Variants in FXR2 observed in about 807,000 individuals in gnomAD.
The protein encoded by FXR2 is RNA-binding protein FXR2.
In FXR2, 9 loss-of-function variants were observed where a neutral mutation model predicts 87.3. The ratio of observed to expected loss-of-function variants is 0.10; its 90% CI spans 0.06 to 0.18. The LOEUF (loss-of-function observed/expected upper bound fraction) is 0.18. Among genes scored for constraint, FXR2 ranks in the 10% least tolerant of loss-of-function variants. The pLI is 1.00. For missense variants in FXR2, 661 were observed against 893.6 expected (o/e 0.74, Z 3.32); for synonymous variants, 331 against 328.3 (o/e 1.01, Z -0.09).
At chr17:7,609,946 A>T (rs927447606) in intron 1 of FXR2, among the ~76,000 whole-genome samples, 7 of 125,228 alleles carry the variant, frequency 5.6e-5, no homozygotes, top group Admixed American at 2.5e-4. Flanking sequence ...ATATACATGT[A>T]TATGTATACA....
At chr17:7,596,551 G>T (rs1000680357) in intron 7 of FXR2, 2 of 152,720 alleles carry the variant, frequency 1.3e-5, no homozygotes, top group Non-Finnish European at 2.9e-5. Flanking sequence ...GGGACACACC[G>T]AAGTTCTGGA....
intron 1 of FXR2, among the ~76,000 whole-genome samples, chr17:7,609,957 T>TGC (rs2071840479): frequency 1.6e-5 from 1 of 60,760 alleles, no homozygotes; most frequent in African/African-American, 3.8e-5. Context: ...TATGTATACA[T>TGC]ATATATACAT....
chr17:7,608,126 A>AT (rs202107277), intron 1 of FXR2, among the ~76,000 whole-genome samples: 80 of 151,118 alleles, frequency 5.3e-4, no homozygotes, highest in African/African-American at 1.8e-3. Flanking sequence ...TTAAATTAAA[A>AT]TTTTTTTTTA....
intron 1 of FXR2, among the ~76,000 whole-genome samples, chr17:7,606,920 C>T (rs372244406): frequency 6.6e-6 from 1 of 152,274 alleles, no homozygotes; most frequent in South Asian, 2.1e-4. Flanking sequence ...ATTTTTCTAC[C>T]TTCTCCCTAT....
chr17:7,609,834 T>A (rs369597209), intron 1 of FXR2, among the ~76,000 whole-genome samples: 9 of 150,874 alleles, frequency 6.0e-5, no homozygotes, highest in East Asian at 3.9e-4. Context: ...TCGAGACCAG[T>A]CTGGCCAATA....
chr17:7,610,280 G>T (rs2071852902), intron 1 of FXR2, among the ~76,000 whole-genome samples: 1 of 152,016 alleles, frequency 6.6e-6, no homozygotes, highest in Non-Finnish European at 1.5e-5. Flanking sequence ...CAAGGCAGGA[G>T]TTACACTGAC....
In FXR2 at chr17:7,614,615, C is replaced by G. The variant is rs1197147163; in HGVS notation, c.-83G>C. 5.9e-5 allele frequency: 50 copies of G among 847,918 alleles called. No individual in the cohort carries two copies. Among genetic ancestry groups the G allele is most frequent in the Non-Finnish European group, 7.6e-5 (48 of 634,290 alleles). 52.5% of individuals were successfully genotyped at this position (847,918 alleles called of 1,614,324 possible). ...GGCCGGGCCAGGCCCCCGGCGTCTCCCCGGAGGAGGAGCCGGAGGGGGAGC... is the reference window on the plus strand; with the variant it reads ...GGCCGGGCCAGGCCCCCGGCGTCTCGCCGGAGGAGGAGCCGGAGGGGGAGC... On this transcript the variant is annotated 5_prime_UTR_variant, in exon 1 of 17. Coordinates refer to ENST00000250113, the MANE Select transcript of FXR2 (RefSeq NM_004860.4).
chr17:7,594,047 G>A lies in FXR2; in HGVS notation c.1021-43C>T. ...GAAACGATGGATCAGAAAGGAAAAT[G>A]AAATGGAAGGATTAACGCCGCCCAG... On this transcript the variant is annotated intron_variant, in intron 10 of 16. Transcript: ENST00000250113. This position sits in a 1 kb window ranked among gnomAD's most constrained non-coding sequence, Gnocchi z 5.1. 1 of 1,301,056 alleles carries A rather than the reference G, an allele frequency of 7.7e-7. No individual in the cohort carries two copies. The highest frequency in any genetic ancestry group is 1.1e-6 in the Non-Finnish European group (1 of 894,012). The allele number at this position is 1,301,056 out of a possible 1,614,324, so 80.6% of individuals were successfully genotyped here.
chr17:7,606,346 C>T (rs1283373143), intron 1 of FXR2, among the ~76,000 whole-genome samples, 197 bp from the exon 2 acceptor site: 1 of 152,072 alleles, frequency 6.6e-6, no homozygotes, highest in Non-Finnish European at 1.5e-5. Flanking sequence ...ATGATATTGT[C>T]ATGGAGAGGT....
chr17:7,611,226 C>T (rs62059833), intron 1 of FXR2, among the ~76,000 whole-genome samples: 48,620 of 151,572 alleles, frequency 0.32, 8,237 homozygotes, highest in African/African-American at 0.42. Context: ...TTCAAGCTCA[C>T]GGTGAGGTAT....
rs909095164 is a variant in FXR2, at chr17:7,591,473, G to C, written c.*357C>G. The C allele has an allele frequency of 3.6e-6, 1 of 276,778 alleles. No homozygotes were observed. Among genetic ancestry groups the C allele is most frequent in the Non-Finnish European group, 7.1e-6 (1 of 141,056 alleles). The allele number at this position is 276,778 out of a possible 1,614,324, so 17.1% of individuals were successfully genotyped here. On this transcript the variant is annotated 3_prime_UTR_variant, in exon 17 of 17. Coordinates refer to ENST00000250113, the MANE Select transcript of FXR2 (RefSeq NM_004860.4). This position sits in a 1 kb window ranked among gnomAD's most constrained non-coding sequence, Gnocchi z 4.0. ...GTACAGGATGGGAGGAGGGATAGCA[G>C]GGGAGGCCCCCTGAACGGTCAAATC... is the stretch of plus-strand genomic sequence containing the variant.
chr17:7,593,832 C>A lies in FXR2; in HGVS notation c.1107+86G>T. ...TTTCTGTTCTACACGGAGAGACAAA[C>A]AGAGAACCAAAATCCCTGAGCTGAC... On this transcript the variant is annotated intron_variant, in intron 11 of 16. Transcript: ENST00000250113. This position sits in a 1 kb window ranked among gnomAD's most constrained non-coding sequence, Gnocchi z 6.1. 1 of 972,842 alleles carries A rather than the reference C, an allele frequency of 1.0e-6. No homozygotes were observed. The highest frequency in any genetic ancestry group is 2.4e-5 in the East Asian group (1 of 41,378). 60.3% of individuals were successfully genotyped at this position (972,842 alleles called of 1,614,324 possible). A position where few individuals can be genotyped will look rare whatever the true frequency, so the allele number is the denominator to read the frequency against.
chr17:7,597,672 G>A (rs1435355161), intron 7 of FXR2, among the ~76,000 whole-genome samples: 2 of 152,150 alleles, frequency 1.3e-5, no homozygotes, highest in Admixed American at 1.3e-4. Context: ...GCTTCCCAAA[G>A]TGCTGGGATT....
Position 7,601,523 on chromosome 17 carries a change from T to G in FXR2, c.546A>C (p.Ser182=). The G allele has an allele frequency of 6.3e-7, 1 of 1,594,476 alleles. No homozygotes were observed. Among genetic ancestry groups the G allele is most frequent in the Non-Finnish European group, 8.6e-7 (1 of 1,162,684 alleles). The change falls in exon 7 of 17, where the codon TCA becomes TCC. Residue 182 remains serine (S), a splice_region_variant and synonymous_variant. Transcript: ENST00000250113. ...CTCGCTTCACAGGGGCTTCTGTGGT[T>G]GACTGGGAGGAAACCAGTGGGAAAG... ...NITNSELFIL[S]TTEAPVKRAS...
rs1470951117 is a variant in FXR2 at position 7,605,757 on chromosome 17, T to C, written c.135-19A>G. On this transcript the variant is annotated intron_variant, in intron 2 of 16. Transcript: ENST00000250113. ...CTGCCAGCTATAATAGAAACAATAA[T>C]ATGAAAAAGCTACTCTGACTGATAT... The C allele has an allele frequency of 1.0e-5, 14 of 1,381,516 alleles. No individual in the cohort carries two copies. Among genetic ancestry groups the C allele is most frequent in the Non-Finnish European group, 1.3e-5 (13 of 977,312 alleles). 85.6% of individuals were successfully genotyped at this position (1,381,516 alleles called of 1,614,324 possible).
At position 7,605,745 on chromosome 17, in the gene FXR2, T is replaced by A; in HGVS notation, c.135-7A>T. The stretch of plus-strand genomic sequence containing the variant: ...TTGTCTCTCACTCTGCCAGCTATAA[T>A]AGAAACAATAATATGAAAAAGCTAC... On this transcript the variant is annotated splice_polypyrimidine_tract_variant and splice_region_variant and intron_variant, in intron 2 of 16. Coordinates refer to ENST00000250113, the MANE Select transcript of FXR2 (RefSeq NM_004860.4). The A allele has an allele frequency of 6.7e-7, 1 of 1,482,764 alleles. No individual in the cohort carries two copies. The highest frequency in any genetic ancestry group is 9.4e-7 in the Non-Finnish European group (1 of 1,065,758). 91.9% of individuals were successfully genotyped at this position (1,482,764 alleles called of 1,614,324 possible). A position where few individuals can be genotyped will look rare whatever the true frequency, so the allele number is the denominator to read the frequency against.
Position 7,592,612 on chromosome 17 carries a change from A to G in FXR2, c.1730-13T>C, listed in dbSNP as rs757137967. Reference sequence around the variant, plus strand: ...CTTGATTCATCTTCTGTAGGGTAGGAAAAAACCAGAGTCACACATCCAACC... The same window carrying G: ...CTTGATTCATCTTCTGTAGGGTAGGGAAAAACCAGAGTCACACATCCAACC... On this transcript the variant is annotated splice_polypyrimidine_tract_variant and intron_variant, in intron 14 of 16. Transcript: ENST00000250113. This position sits in a 1 kb window ranked among gnomAD's most constrained non-coding sequence, Gnocchi z 4.8. The G allele has an allele frequency of 1.2e-6, 2 of 1,613,014 alleles. No individual in the cohort carries two copies. The highest frequency in any genetic ancestry group is 2.7e-5 in the African/African-American group (2 of 74,730).
At chr17:7,609,872 A>G (rs942571708) in intron 1 of FXR2, among the ~76,000 whole-genome samples, 1 of 149,596 alleles carries the variant, frequency 6.7e-6, no homozygotes, top group Non-Finnish European at 1.5e-5. Flanking sequence ...TACTATATAT[A>G]TATGTATACA....
At position 7,594,701 on chromosome 17, in the gene FXR2, C is replaced by G. The variant is rs1171144962; in HGVS notation, c.888G>C (p.Val296=). The G allele has an allele frequency of 1.9e-6, 3 of 1,610,754 alleles. No homozygotes were observed. The African/African-American group carries it at 4.0e-5, about 22-fold the overall frequency. Residue 296 remains valine, a synonymous_variant, in exon 9 of 17, where the codon GTG becomes GTC. Coordinates refer to ENST00000250113, the MANE Select transcript of FXR2 (RefSeq NM_004860.4). This position sits in a 1 kb window ranked among gnomAD's most constrained non-coding sequence, Gnocchi z 5.1. ...RSYLEFSEDS[V]QVPRNLVGKV... ...CACCAACCAGGTTCCTGGGCACTTG[C>G]ACTGAGTCCTCAGAAAACTCAAGGT...
Sources: allele counts gnomAD v4.1 joint callset (sites outside exome capture counted in the v4.1 genomes callset), GRCh38; gene constraint gnomAD v4.1.1; non-coding constraint Gnocchi (gnomAD v3.1); transcripts MANE v1.5; gene names NCBI Gene and HGNC (gene_info 2026-07-23, HGNC 2026-07-21).